GLT8D2: variants seen among roughly 807,000 people sequenced by gnomAD.
GLT8D2 encodes glycosyltransferase 8 domain-containing protein 2.
GLT8D2 carries 45 observed loss-of-function variants against 44.5 expected under a neutral mutation model. The observed-to-expected ratio is 1.01, with a 90% CI of 0.80 to 1.30. GLT8D2 has a LOEUF of 1.30. Ranked by LOEUF, GLT8D2 falls within the 50% of genes most tolerant of loss-of-function variation. GLT8D2 has a pLI of 0.00. For synonymous variants in GLT8D2, 156 were observed against 157.2 expected, an observed-to-expected ratio of 0.99 and a Z score of 0.06; for missense variants, 400 against 430.4, an observed-to-expected ratio of 0.93 and a Z score of 0.62.
At chr12:104,020,253 C>T (rs1016152514) in intron 2 of GLT8D2, among the ~76,000 whole-genome samples, 1 of 152,046 alleles carries the variant, frequency 6.6e-6, no homozygotes, top group Admixed American at 6.6e-5. Flanking sequence ...GTAAAAAGAG[C>T]TCTGTCAGCC....
intron 4 of GLT8D2, among the ~76,000 whole-genome samples, chr12:104,007,459 A>G (rs1024119072): frequency 1.3e-5 from 2 of 151,968 alleles, no homozygotes; most frequent in African/African-American, 4.8e-5. Flanking sequence ...TTCTCCTTCT[A>G]TGTCTTTTCT....
intron 4 of GLT8D2, among the ~76,000 whole-genome samples, chr12:104,003,526 C>T (rs1874535715): frequency 6.6e-6 from 1 of 152,192 alleles, no homozygotes; most frequent in African/African-American, 2.4e-5. Flanking sequence ...TCCCGTGCAG[C>T]TCTATATGAT....
At chr12:104,014,757 C>T (rs115582322) in intron 4 of GLT8D2, among the ~76,000 whole-genome samples, 239 of 152,346 alleles carry the variant, frequency 1.6e-3, no homozygotes, top group African/African-American at 5.4e-3. Flanking sequence ...ACTGATCCTA[C>T]ACCTCACGGG....
At position 103,997,545 on chromosome 12, in the gene GLT8D2, C is replaced by T. The variant is rs746291674; in HGVS notation, c.403-10G>A. The T allele has an allele frequency of 2.6e-5, 41 of 1,604,328 alleles. 1 individual carries two copies. Among genetic ancestry groups the T allele is most frequent in the South Asian group, 1.9e-4 (17 of 90,838 alleles). ...ATCGAACAAAGTTCAGCTGTTAAAA[C>T]GACAAAAGAAATGATGGTGGGGGAG... On this transcript the variant is annotated splice_polypyrimidine_tract_variant and intron_variant, in intron 6 of 10. Coordinates refer to ENST00000360814, the MANE Select transcript of GLT8D2 (RefSeq NM_001384711.1).
chr12:104,024,246 A>AC (rs1452658801), intron 1 of GLT8D2, among the ~76,000 whole-genome samples: 1 of 152,046 alleles, frequency 6.6e-6, no homozygotes, highest in Admixed American at 6.5e-5. Context: ...AAACAAAAAA[A>AC]CCCTCAAAAA....
chr12:104,037,101 T>C (rs983297545), intron 1 of GLT8D2, among the ~76,000 whole-genome samples: 2 of 152,208 alleles, frequency 1.3e-5, no homozygotes, highest in African/African-American at 2.4e-5. Flanking sequence ...AATAAAGATG[T>C]TCTTTGAAAC....
chr12:103,999,426 C>A lies in GLT8D2; in HGVS notation c.373G>T (p.Asp125Tyr). ...PMVLKGKIRP[D>Y]SSRPELLQPL... ...TGGAGCAATTCAGGCCTCGATGAGTCTGGTCTGATCTTCCCTTTGAGGACC... is the reference window on the plus strand; with the variant it reads ...TGGAGCAATTCAGGCCTCGATGAGTATGGTCTGATCTTCCCTTTGAGGACC... Residue 125 changes from aspartate (D) to tyrosine (Y), a missense_variant, in exon 6 of 11, where the codon GAC becomes TAC. Asp to Tyr is a radical substitution (Grantham distance 160, BLOSUM62 -3). Coordinates refer to ENST00000360814, the MANE Select transcript of GLT8D2 (RefSeq NM_001384711.1). 6.2e-7 allele frequency: 1 copy of A among 1,612,512 alleles called. No homozygotes were observed.
intron 1 of GLT8D2, among the ~76,000 whole-genome samples, chr12:104,048,464 GA>G (rs71440522): frequency 0.015 from 2,315 of 152,240 alleles, 34 homozygotes; most frequent in Middle Eastern, 0.027. Context: ...GGAAAATGCT[GA>G]AATTAAAAAG....
intron 4 of GLT8D2, among the ~76,000 whole-genome samples, chr12:104,011,098 T>C (rs1177053482): frequency 1.3e-5 from 2 of 152,218 alleles, no homozygotes; most frequent in African/African-American, 4.8e-5. Context: ...AAGCCAAAAA[T>C]ACTGCTCTCT....
chr12:104,052,653 T>G (rs578086339), upstream of GLT8D2, among the ~76,000 whole-genome samples: 1 of 152,336 alleles, frequency 6.6e-6, no homozygotes, highest in South Asian at 2.1e-4. Flanking sequence ...TATGCCCCTA[T>G]TCTAAATCCC....
chr12:104,026,301 A>G lies in GLT8D2; in HGVS notation c.-163-4810T>C, dbSNP rs1593554839. The stretch of plus-strand genomic sequence containing the variant: ...CTCAAAAAAAAAAAAAAAAAATTCA[A>G]TAATGTTCTCAGAGTACTATCAGGA... On this transcript the variant is annotated intron_variant, in intron 1 of 10. Transcript: ENST00000360814. 6.0e-5 allele frequency among the ~76,000 whole-genome samples: 9 copies of G among 150,324 alleles called. No individual in the cohort carries two copies. The South Asian group carries it at 1.7e-3, about 28-fold the overall frequency.
At chr12:104,054,274 T>C (rs1003912619), upstream of GLT8D2, among the ~76,000 whole-genome samples, 1 of 152,170 alleles carries the variant, frequency 6.6e-6, no homozygotes, top group Admixed American at 6.5e-5. Context: ...GTATTTGTTT[T>C]TCTGTATCTG....
chr12:104,030,017 A>C (rs547658796), intron 1 of GLT8D2, among the ~76,000 whole-genome samples: 1 of 152,328 alleles, frequency 6.6e-6, no homozygotes, highest in South Asian at 2.1e-4. Flanking sequence ...GAACCGCAAA[A>C]GCCCCCAAAT....
Position 103,999,016 on chromosome 12 carries a change from G to A in GLT8D2, c.402+381C>T, listed in dbSNP as rs117762186. 1.7e-3 allele frequency among the ~76,000 whole-genome samples: 262 copies of A among 152,090 alleles called. 8 individuals carry two copies. In the East Asian group the frequency reaches 0.037, roughly 22 times the overall value. The stretch of plus-strand genomic sequence containing the variant: ...ATACTACTGTTTTTTCTTAGCTGTC[G>A]GACACTCCGAGGCAGCTTTAACGTA... On this transcript the variant is annotated intron_variant, in intron 6 of 10. Transcript: ENST00000360814.
chr12:104,025,861 G>A (rs1878507648), intron 1 of GLT8D2, among the ~76,000 whole-genome samples: 1 of 151,368 alleles, frequency 6.6e-6, no homozygotes, highest in Non-Finnish European at 1.5e-5. Flanking sequence ...GATGACATGT[G>A]TCCCAAAGAA....
chr12:104,039,210 A>G (rs1880274389), intron 1 of GLT8D2, among the ~76,000 whole-genome samples: 1 of 152,168 alleles, frequency 6.6e-6, no homozygotes, highest in Admixed American at 6.5e-5. Context: ...AAACCTAGGC[A>G]ATACCATTCA....
At chr12:104,007,233 G>GCTCTCTCTCTCTCT (rs57109528) in intron 4 of GLT8D2, among the ~76,000 whole-genome samples, 921 of 66,322 alleles carry the variant, frequency 0.014, 76 homozygotes, top group Middle Eastern at 0.031. Flanking sequence ...TATACTTAAA[G>GCTCTCTCTCTCTCT]CTCTCTCTCT....
intron 10 of GLT8D2, among the ~76,000 whole-genome samples, chr12:103,990,288 C>G (rs375719792): frequency 4.0e-5 from 6 of 151,864 alleles, no homozygotes; most frequent in Non-Finnish European, 8.8e-5. Flanking sequence ...CATTTCACCT[C>G]CTTAATGAAA....
chr12:104,052,130 A>G (rs1160037013), upstream of GLT8D2, among the ~76,000 whole-genome samples: 1 of 152,232 alleles, frequency 6.6e-6, no homozygotes, highest in Non-Finnish European at 1.5e-5. Context: ...ACAGTTAAAT[A>G]AAATTAAAAA....
Sources: gnomAD v4.1 joint callset for allele counts (sites outside exome capture counted in the v4.1 genomes callset) on GRCh38, gnomAD v4.1.1 for gene constraint, MANE v1.5 for transcripts, NCBI Gene and HGNC (gene_info 2026-07-23, HGNC 2026-07-21) for gene names.